DOCK3: variants seen among roughly 807,000 people sequenced by gnomAD.
DOCK3 encodes dedicator of cytokinesis protein 3.
In DOCK3, 60 loss-of-function variants were observed where a neutral mutation model predicts 265.6. That is an observed-to-expected ratio of 0.23 (90% CI 0.18 to 0.28). The LOEUF is 0.28. DOCK3 is among the 10% of genes least tolerant of loss of function. The pLI, the probability that DOCK3 is intolerant of heterozygous loss-of-function variation, is 1.00. For synonymous variants in DOCK3, 881 were observed against 938.0 expected, an observed-to-expected ratio of 0.94 and a Z score of 1.11; for missense variants, 1,981 against 2,594.3, an observed-to-expected ratio of 0.76 and a Z score of 5.14.
chr3:51,288,189 C>T (rs1316433431), intron 27 of DOCK3, among the ~76,000 whole-genome samples: 3 of 151,994 alleles, frequency 2.0e-5, no homozygotes, highest in Non-Finnish European at 4.4e-5. Flanking sequence ...GTCAGGAGTT[C>T]GAGACCAGCC....
chr3:51,317,503 C>T (rs1305950581), intron 32 of DOCK3, among the ~76,000 whole-genome samples: 2 of 150,318 alleles, frequency 1.3e-5, no homozygotes, highest in Non-Finnish European at 3.0e-5. Context: ...TCACTTGAAC[C>T]CGGGAGGTGG....
intron 5 of DOCK3, among the ~76,000 whole-genome samples, chr3:51,042,261 A>G (rs996485195): frequency 6.6e-6 from 1 of 152,264 alleles, no homozygotes; most frequent in Non-Finnish European, 1.5e-5. Flanking sequence ...CATCCCTGGG[A>G]TACAAGGTTG....
At chr3:51,355,875 A>T (rs1015264032) in intron 41 of DOCK3, among the ~76,000 whole-genome samples, 7 of 152,100 alleles carry the variant, frequency 4.6e-5, no homozygotes, top group African/African-American at 1.7e-4. Flanking sequence ...CATGAAACTC[A>T]ACTACTAGAG....
chr3:50,683,351 A>T (rs2034545101), intron 1 of DOCK3, among the ~76,000 whole-genome samples: 1 of 152,238 alleles, frequency 6.6e-6, no homozygotes. Context: ...GTGATCCAAG[A>T]TATTACTATA....
intron 5 of DOCK3, among the ~76,000 whole-genome samples, chr3:50,948,605 TTTC>T (rs2076505902): frequency 6.6e-6 from 1 of 151,776 alleles, no homozygotes; most frequent in South Asian, 2.1e-4. Flanking sequence ...TTCTTTCTCT[TTTC>T]TTTTCTTTTC....
At chr3:50,724,864 A>T (rs2037715680) in intron 1 of DOCK3, among the ~76,000 whole-genome samples, 1 of 152,082 alleles carries the variant, frequency 6.6e-6, no homozygotes. Context: ...ATGGTGGCAC[A>T]CACTTGTAAT....
intron 5 of DOCK3, among the ~76,000 whole-genome samples, chr3:51,021,508 C>A: frequency 6.6e-6 from 1 of 152,020 alleles, no homozygotes; most frequent in East Asian, 1.9e-4. Context: ...TAAGGAAGTT[C>A]TTTATGATTT....
At chr3:50,994,822 T>G (rs961902295) in intron 5 of DOCK3, among the ~76,000 whole-genome samples, 8 of 152,230 alleles carry the variant, frequency 5.3e-5, no homozygotes, top group Middle Eastern at 3.4e-3. Flanking sequence ...AGATAAGATA[T>G]ATAAAGAGCA....
chr3:50,683,044 G>A (rs771328026), intron 1 of DOCK3, among the ~76,000 whole-genome samples: 2 of 152,212 alleles, frequency 1.3e-5, no homozygotes, highest in African/African-American at 2.4e-5. Flanking sequence ...TTTTACACAC[G>A]TATTTGTAGC....
chr3:51,226,903 AT>A (rs940499501), intron 15 of DOCK3, among the ~76,000 whole-genome samples: 1 of 151,924 alleles, frequency 6.6e-6, no homozygotes, highest in Non-Finnish European at 1.5e-5. Context: ...TTGTAATTTA[AT>A]TTTTTTTCTG....
At chr3:51,198,499 G>A (rs780364444) in intron 12 of DOCK3, among the ~76,000 whole-genome samples, 3 of 150,102 alleles carry the variant, frequency 2.0e-5, no homozygotes, top group Non-Finnish European at 4.4e-5. Flanking sequence ...AGCCACTTGG[G>A]CCTCTTAGAG....
At chr3:51,204,282 T>C (rs1372835374) in intron 12 of DOCK3, among the ~76,000 whole-genome samples, 4 of 146,876 alleles carry the variant, frequency 2.7e-5, no homozygotes, top group African/African-American at 1.0e-4. Flanking sequence ...AAAGGGCTAA[T>C]ATCCAGAATC....
chr3:51,371,116 AC>A (rs2087647370), intron 49 of DOCK3, among the ~76,000 whole-genome samples: 1 of 152,140 alleles, frequency 6.6e-6, no homozygotes, highest in Non-Finnish European at 1.5e-5. Flanking sequence ...ACTAATGTCA[AC>A]CCAGATACCA....
chr3:50,928,820 G>T (rs1242605855), intron 4 of DOCK3, among the ~76,000 whole-genome samples: 1 of 152,256 alleles, frequency 6.6e-6, no homozygotes, highest in South Asian at 2.1e-4. Context: ...CTTTACAGTG[G>T]TACGAAAGTC....
intron 9 of DOCK3, among the ~76,000 whole-genome samples, chr3:51,101,756 T>C (rs2083099635): frequency 6.6e-6 from 1 of 152,168 alleles, no homozygotes; most frequent in Non-Finnish European, 1.5e-5. Flanking sequence ...CAAAAAAGGC[T>C]TCGTGTAGAA....
chr3:51,274,208 A>G (rs1250964781), intron 24 of DOCK3, among the ~76,000 whole-genome samples: 1 of 152,224 alleles, frequency 6.6e-6, no homozygotes, highest in Non-Finnish European at 1.5e-5. Flanking sequence ...GACAAGACAA[A>G]GGTCATGCTT....
chr3:51,304,633 T>C (rs1325582180), intron 27 of DOCK3, among the ~76,000 whole-genome samples: 3 of 152,222 alleles, frequency 2.0e-5, no homozygotes, highest in Admixed American at 1.3e-4. Context: ...ATCTATGGGT[T>C]GCACAGATCT....
intron 27 of DOCK3, among the ~76,000 whole-genome samples, chr3:51,286,064 A>T (rs2081387443): frequency 6.6e-6 from 1 of 152,222 alleles, no homozygotes; most frequent in Non-Finnish European, 1.5e-5. Context: ...TATACCTAGG[A>T]AACTCCATAA....
chr3:51,323,663 T>C lies in DOCK3; in HGVS notation c.3403-6475T>C, dbSNP rs530817567. 2.3e-3 allele frequency among the ~76,000 whole-genome samples: 350 copies of C among 152,152 alleles called. 1 individual carries two copies. The highest frequency in any genetic ancestry group is 4.8e-3 in the South Asian group (23 of 4,816). On this transcript the variant is annotated intron_variant, in intron 32 of 52. Transcript: ENST00000266037. ...AGAACAAAGACACAACGTACCAGAA[T>C]CTCTGGGACACATTTAAAGCAGTGT...
Sources: gnomAD v4.1 joint callset for allele counts (sites outside exome capture counted in the v4.1 genomes callset) on GRCh38, gnomAD v4.1.1 for gene constraint, MANE v1.5 for transcripts, NCBI Gene and HGNC (gene_info 2026-07-23, HGNC 2026-07-21) for gene names.